CAMK1D: variants seen among roughly 807,000 people sequenced by gnomAD.
CAMK1D encodes calcium/calmodulin-dependent protein kinase type 1D.
CAMK1D carries 9 observed loss-of-function variants against 47.7 expected under a neutral mutation model. The observed-to-expected ratio is 0.19, with a 90% CI of 0.11 to 0.33. The LOEUF (loss-of-function observed/expected upper bound fraction) is 0.33. Among genes scored for constraint, CAMK1D ranks in the 10% least tolerant of loss-of-function variants. The probability of loss-of-function intolerance (pLI) is 1.00; values close to 1 mark genes in which losing one functional copy is unlikely to be tolerated. For synonymous variants in CAMK1D, 184 were observed against 184.9 expected (o/e 0.99, Z 0.04); for missense variants, 291 against 488.7 (o/e 0.60, Z 3.81).
intron 1 of CAMK1D, among the ~76,000 whole-genome samples, chr10:12,426,243 A>G (rs1564332739): frequency 6.6e-6 from 1 of 151,902 alleles, no homozygotes; most frequent in Non-Finnish European, 1.5e-5. Context: ...GTGAAGGGAT[A>G]TTTTTTTCCT....
intron 3 of CAMK1D, among the ~76,000 whole-genome samples, chr10:12,736,592 C>T (rs1835199498): frequency 6.6e-6 from 1 of 152,164 alleles, no homozygotes; most frequent in Non-Finnish European, 1.5e-5. Context: ...ACAGAGAATA[C>T]ATGAAAAATG....
At chr10:12,660,391 G>T (rs1310367704) in intron 2 of CAMK1D, among the ~76,000 whole-genome samples, 1 of 152,222 alleles carries the variant, frequency 6.6e-6, no homozygotes, top group African/African-American at 2.4e-5. Flanking sequence ...TCAGTAGCAG[G>T]CTGACCCTTT....
chr10:12,479,932 T>G (rs12775471), intron 1 of CAMK1D, among the ~76,000 whole-genome samples: 28,518 of 152,204 alleles, frequency 0.19, 2,947 homozygotes, highest in Non-Finnish European at 0.25. Context: ...ATACATGCTC[T>G]GCTTTCTGCC....
Position 12,450,420 on chromosome 10 carries a change from T to C in CAMK1D, c.92+100510T>C, listed in dbSNP as rs1833050151. 3.3e-5 allele frequency among the ~76,000 whole-genome samples: 5 copies of C among 151,948 alleles called. No individual in the cohort carries two copies. The South Asian group carries it at 8.3e-4, about 25-fold the overall frequency. On this transcript the variant is annotated intron_variant, in intron 1 of 10. Coordinates refer to ENST00000619168, the MANE Select transcript of CAMK1D (RefSeq NM_153498.4). Reference sequence around the variant, plus strand: ...TTAATACCATTAGGAAGAGCCGTTGTGATTTTGTTAATTTCTTGTTCTTAA... The same window carrying C: ...TTAATACCATTAGGAAGAGCCGTTGCGATTTTGTTAATTTCTTGTTCTTAA...
chr10:12,560,319 G>A (rs1170738237), intron 2 of CAMK1D, among the ~76,000 whole-genome samples: 3 of 152,014 alleles, frequency 2.0e-5, no homozygotes, highest in East Asian at 1.9e-4. Flanking sequence ...TTGGGAAGGC[G>A]AGGCGGGCGG....
chr10:12,488,973 A>T (rs1834297981), intron 1 of CAMK1D, among the ~76,000 whole-genome samples: 1 of 152,034 alleles, frequency 6.6e-6, no homozygotes, highest in South Asian at 2.1e-4. Context: ...TCTCGCTCTG[A>T]GGCCCAGGCT....
At chr10:12,489,408 C>A (rs1487268058) in intron 1 of CAMK1D, among the ~76,000 whole-genome samples, 1 of 152,190 alleles carries the variant, frequency 6.6e-6, no homozygotes, top group African/African-American at 2.4e-5. Flanking sequence ...GGATCTCAAA[C>A]ATCCTGGAGA....
At chr10:12,424,174 C>T (rs1840149529) in intron 1 of CAMK1D, among the ~76,000 whole-genome samples, 1 of 152,082 alleles carries the variant, frequency 6.6e-6, no homozygotes, top group Admixed American at 6.6e-5. Flanking sequence ...GAACTCTGGC[C>T]CCTAAATCCA....
intron 1 of CAMK1D, among the ~76,000 whole-genome samples, chr10:12,416,917 C>G (rs556986940): frequency 6.6e-6 from 1 of 152,254 alleles, no homozygotes; most frequent in East Asian, 1.9e-4. Flanking sequence ...TAAAAACCTT[C>G]CGGTGCTAGC....
chr10:12,469,324 C>T (rs1228500204), intron 1 of CAMK1D, among the ~76,000 whole-genome samples: 1 of 120,056 alleles, frequency 8.3e-6, no homozygotes, highest in African/African-American at 3.1e-5. Flanking sequence ...CCCCCCTCCC[C>T]TTTTCATATA....
chr10:12,434,654 A>G (rs1162251406), intron 1 of CAMK1D, among the ~76,000 whole-genome samples: 1 of 152,178 alleles, frequency 6.6e-6, no homozygotes, highest in African/African-American at 2.4e-5. Flanking sequence ...CTCTTTCCCT[A>G]ATTGCAAAGT....
At chr10:12,478,466 A>C (rs886966709) in intron 1 of CAMK1D, among the ~76,000 whole-genome samples, 14 of 150,962 alleles carry the variant, frequency 9.3e-5, no homozygotes, top group Admixed American at 2.0e-4. Context: ...CATCCTGTCT[A>C]ATTTTTTTTT....
At chr10:12,699,048 A>C (rs575263737) in intron 3 of CAMK1D, among the ~76,000 whole-genome samples, 1 of 152,156 alleles carries the variant, frequency 6.6e-6, no homozygotes, top group Non-Finnish European at 1.5e-5. Flanking sequence ...GGGGATGCCT[A>C]ATGATGTCCT....
intron 1 of CAMK1D, among the ~76,000 whole-genome samples, chr10:12,386,940 G>T (rs1564306479): frequency 1.3e-5 from 2 of 152,038 alleles, no homozygotes; most frequent in Non-Finnish European, 2.9e-5. Flanking sequence ...AGTAGCTCAC[G>T]CCTGTAATCC....
intron 6 of CAMK1D, among the ~76,000 whole-genome samples, chr10:12,801,386 C>T (rs1427354207): frequency 6.7e-6 from 1 of 149,884 alleles, no homozygotes; most frequent in Non-Finnish European, 1.5e-5. Flanking sequence ...ATCTATCTAT[C>T]TATCTATCCA....
chr10:12,709,812 T>A (rs1347463716), intron 3 of CAMK1D, among the ~76,000 whole-genome samples: 1 of 152,248 alleles, frequency 6.6e-6, no homozygotes, highest in Non-Finnish European at 1.5e-5. Context: ...TGTTTAACTT[T>A]TTTATTATGT....
chr10:12,655,431 C>T (rs1840091671), intron 2 of CAMK1D, among the ~76,000 whole-genome samples: 2 of 152,184 alleles, frequency 1.3e-5, no homozygotes, highest in East Asian at 1.9e-4. Flanking sequence ...CTGTATCACC[C>T]ATTCACTGGT....
At position 12,564,554 on chromosome 10, in the gene CAMK1D, C is replaced by T. The variant is rs1185944087; in HGVS notation, c.224+11198C>T. On this transcript the variant is annotated intron_variant, in intron 2 of 10. Transcript: ENST00000619168. The stretch of plus-strand genomic sequence containing the variant: ...AGCTATATAACTGTTTTTCTCAAAG[C>T]TTAAAGTTGAGGTCAGAGGCTCTGA... 2.0e-5 allele frequency among the ~76,000 whole-genome samples: 3 copies of T among 152,092 alleles called. No individual in the cohort carries two copies. The East Asian group carries it at 5.8e-4, about 29-fold the overall frequency.
At chr10:12,665,155 G>T (rs1351673784) in intron 2 of CAMK1D, among the ~76,000 whole-genome samples, 1 of 152,088 alleles carries the variant, frequency 6.6e-6, no homozygotes, top group East Asian at 1.9e-4. Flanking sequence ...CAAATAATTA[G>T]ACTCTATTCT....
Sources: allele counts gnomAD v4.1 joint callset (sites outside exome capture counted in the v4.1 genomes callset), GRCh38; gene constraint gnomAD v4.1.1; transcripts MANE v1.5; gene names NCBI Gene and HGNC (gene_info 2026-07-23, HGNC 2026-07-21).